The following KCNC1 variants were observed in gnomAD, a reference collection of about 807,000 sequenced individuals.
KCNC1 encodes the protein potassium voltage-gated channel subfamily C member 1.
A neutral mutation model predicts 43.4 loss-of-function variants in KCNC1; 8 were observed. The observed-to-expected ratio is 0.18, with a 90% confidence interval of 0.11 to 0.33. The LOEUF is 0.33. Ranked by LOEUF, KCNC1 falls within the 10% of genes least tolerant of loss-of-function variation. The pLI is 1.00. For missense variants in KCNC1, 420 were observed against 836.0 expected, an observed-to-expected ratio of 0.50 and a Z score of 6.14; for synonymous variants, 361 against 360.5, an observed-to-expected ratio of 1.00 and a Z score of -0.01.
In KCNC1 at chr11:17,753,629, G is replaced by A. The variant is rs116434462; in HGVS notation, c.570+17057G>A. Among the ~76,000 whole-genome samples, 341 of 151,786 alleles carry A rather than the reference G, an allele frequency of 2.2e-3. 3 individuals carry two copies. Among genetic ancestry groups the A allele is most frequent in the African/African-American group, 7.8e-3 (322 of 41,466 alleles). ...TGCCTGGGCCATCTCCTCCCATTGC[G>A]CCTCTTCAAAAAGAAATTGACATTT... On this transcript the variant is annotated intron_variant, in intron 1 of 3. Coordinates refer to ENST00000265969, the MANE Select transcript of KCNC1 (RefSeq NM_001112741.2).
chr11:17,740,263 C>T lies in KCNC1; in HGVS notation c.570+3691C>T, dbSNP rs768977112. Among the ~76,000 whole-genome samples, 3 of 152,138 alleles carry T rather than the reference C, an allele frequency of 2.0e-5. No individual in the cohort carries two copies. In the South Asian group the frequency reaches 6.2e-4, roughly 32 times the overall value. On this transcript the variant is annotated intron_variant, in intron 1 of 3. Transcript: ENST00000265969. Reference sequence around the variant, plus strand: ...ATGAGCTGGGACAGGATGAGCTCCACGTGTGTTCTGGGTTGGGGGGTGGTG... The same window carrying T: ...ATGAGCTGGGACAGGATGAGCTCCATGTGTGTTCTGGGTTGGGGGGTGGTG...
In KCNC1 at chr11:17,776,128, G is replaced by T. The variant is rs1849284429; in HGVS notation, c.1505-3328G>T. On this transcript the variant is annotated intron_variant, in intron 2 of 3. Transcript: ENST00000265969. The surrounding 1 kb of genome is among the most constrained non-coding windows in gnomAD (Gnocchi z 4.4). The stretch of plus-strand genomic sequence containing the variant: ...GGTGGGCTGTGGGGGAAGTAGCGGA[G>T]AAATGAAGTGACGCCAGGGGCCAGG... 5 of 985,344 alleles carry T rather than the reference G, an allele frequency of 5.1e-6. No homozygotes were observed. The highest frequency in any genetic ancestry group is 6.0e-6 in the Non-Finnish European group (5 of 829,988). 61.0% of individuals were successfully genotyped at this position (985,344 alleles called of 1,614,324 possible).
Position 17,779,807 on chromosome 11 carries a change from C to A in KCNC1, c.1693+163C>A, listed in dbSNP as rs549527901. On this transcript the variant is annotated intron_variant, in intron 3 of 3. Coordinates refer to ENST00000265969, the MANE Select transcript of KCNC1 (RefSeq NM_001112741.2). The surrounding 1 kb of genome is among the most constrained non-coding windows in gnomAD (Gnocchi z 7.2). ...AGGGTCGGCCCCTGGAGGGCTGAGG[C>A]CCTTCCCCCCAAGTGAGATGTCAGG... The A allele has an allele frequency of 3.9e-6, 2 of 518,136 alleles. No individual in the cohort carries two copies. The highest frequency in any genetic ancestry group is 3.9e-5 in the Admixed American group (1 of 25,440). 32.1% of individuals were successfully genotyped at this position (518,136 alleles called of 1,614,324 possible). A position where few individuals can be genotyped will look rare whatever the true frequency, so the allele number is the denominator to read the frequency against.
Position 17,776,126 on chromosome 11 carries a change from G to A in KCNC1, c.1505-3330G>A, listed in dbSNP as rs973440625. On this transcript the variant is annotated intron_variant, in intron 2 of 3. Transcript: ENST00000265969. The surrounding 1 kb of genome is among the most constrained non-coding windows in gnomAD (Gnocchi z 4.4). ...CAGGTGGGCTGTGGGGGAAGTAGCGGAGAAATGAAGTGACGCCAGGGGCCA... is the reference window on the plus strand; with the variant it reads ...CAGGTGGGCTGTGGGGGAAGTAGCGAAGAAATGAAGTGACGCCAGGGGCCA... 1 of 985,344 alleles carries A rather than the reference G, an allele frequency of 1.0e-6. No homozygotes were observed. The highest frequency in any genetic ancestry group is 1.7e-5 in the African/African-American group (1 of 57,224). 61.0% of individuals were successfully genotyped at this position (985,344 alleles called of 1,614,324 possible).
At chr11:17,754,532 C>A (rs1361209595) in intron 1 of KCNC1, among the ~76,000 whole-genome samples, 2 of 152,190 alleles carry the variant, frequency 1.3e-5, no homozygotes, top group African/African-American at 2.4e-5. Flanking sequence ...AGGGAGTAAA[C>A]CATTGTGCCC....
rs3051818 is a variant in KCNC1 at position 17,756,520 on chromosome 11, AACACACACAC to A, written c.571-15116_571-15107del. Among the ~76,000 whole-genome samples, 678 of 143,828 alleles carry A rather than the reference AACACACACAC, an allele frequency of 4.7e-3. 7 individuals are homozygous for A. Among genetic ancestry groups the A allele is most frequent in the East Asian group, 7.3e-3 (35 of 4,784 alleles). The allele number at this position is 143,828 out of a possible 152,430, so 94.4% of individuals were successfully genotyped here. A position where few individuals can be genotyped will look rare whatever the true frequency, so the allele number is the denominator to read the frequency against. On this transcript the variant is annotated intron_variant, in intron 1 of 3. Transcript: ENST00000265969. ...AGCCATTTTTATTCCCTTCCCTCCA[AACACACACAC>A]ACACACACACACACACACACACACA...
Position 17,735,946 on chromosome 11 carries a change from C to A in KCNC1, c.-57C>A. On this transcript the variant is annotated 5_prime_UTR_variant, in exon 1 of 4. In the 5' UTR this introduces an upstream ATG that the reference lacks. Transcript: ENST00000265969. This position sits in a 1 kb window ranked among gnomAD's most constrained non-coding sequence, Gnocchi z 6.7. ...CCCCCCTCCCCGGCGCCAACTCCCC[C>A]TGGCGGCCGCTCCCATGGGTGTCGC... 7.2e-7 allele frequency: 1 copy of A among 1,381,564 alleles called. No homozygotes were observed. The highest frequency in any genetic ancestry group is 9.3e-7 in the Non-Finnish European group (1 of 1,076,134). The allele number at this position is 1,381,564 out of a possible 1,614,324, so 85.6% of individuals were successfully genotyped here.
chr11:17,747,031 G>A (rs976273684), intron 1 of KCNC1, among the ~76,000 whole-genome samples: 3 of 152,168 alleles, frequency 2.0e-5, no homozygotes, highest in Non-Finnish European at 4.4e-5. Context: ...TCGGCCCTGC[G>A]AGATTCAAAT....
At chr11:17,756,767 A>G (rs1590099561) in intron 1 of KCNC1, among the ~76,000 whole-genome samples, 5 of 152,300 alleles carry the variant, frequency 3.3e-5, no homozygotes. Context: ...TGTTGTACAT[A>G]TAAGATCCAA....
rs184047159 is a variant in KCNC1 at position 17,772,883 on chromosome 11, A to T, written c.1504+285A>T. The T allele has an allele frequency of 1.2e-5, 15 of 1,293,626 alleles. No homozygotes were observed. In the East Asian group the frequency reaches 4.4e-4, roughly 38 times the overall value. 80.1% of individuals were successfully genotyped at this position (1,293,626 alleles called of 1,614,324 possible). On this transcript the variant is annotated intron_variant, in intron 2 of 3. Transcript: ENST00000265969. Reference sequence around the variant, plus strand: ...AACGCGGCCCGCCAGGTTGCTGAGGACTAACTTAGCAGGAGCCAGGGGGGC... The same window carrying T: ...AACGCGGCCCGCCAGGTTGCTGAGGTCTAACTTAGCAGGAGCCAGGGGGGC...
chr11:17,747,518 G>A lies in KCNC1; in HGVS notation c.570+10946G>A, dbSNP rs571559022. 1.4e-4 allele frequency among the ~76,000 whole-genome samples: 22 copies of A among 152,338 alleles called. No individual in the cohort carries two copies. The East Asian group carries it at 1.9e-3, about 13-fold the overall frequency. Reference sequence around the variant, plus strand: ...GTCATTGGAATGTCTCCTCTTTAAAGGGGCTGCTCTGGCACAGGGAGGAGC... The same window carrying A: ...GTCATTGGAATGTCTCCTCTTTAAAAGGGCTGCTCTGGCACAGGGAGGAGC... On this transcript the variant is annotated intron_variant, in intron 1 of 3. Transcript: ENST00000265969.
At chr11:17,741,867 C>G (rs1848846367) in intron 1 of KCNC1, among the ~76,000 whole-genome samples, 1 of 152,220 alleles carries the variant, frequency 6.6e-6, no homozygotes, top group South Asian at 2.1e-4. Flanking sequence ...GCTCACCCCT[C>G]TTTATCCCCG....
At chr11:17,764,894 G>A (rs942682266) in intron 1 of KCNC1, among the ~76,000 whole-genome samples, 10 of 152,020 alleles carry the variant, frequency 6.6e-5, no homozygotes, top group African/African-American at 2.4e-4. Context: ...AATTTATTTA[G>A]GACAATTGGC....
chr11:17,770,378 G>A (rs536132318), intron 1 of KCNC1, among the ~76,000 whole-genome samples: 18 of 152,382 alleles, frequency 1.2e-4, no homozygotes, highest in South Asian at 2.1e-4. Context: ...GTGAGGACAT[G>A]CAGGCGGGAG....
chr11:17,767,296 A>AAAAG (rs1554990949), intron 1 of KCNC1, among the ~76,000 whole-genome samples: 38 of 130,288 alleles, frequency 2.9e-4, no homozygotes, highest in Middle Eastern at 3.8e-3. Flanking sequence ...AAAAAAAAAA[A>AAAAG]AAAAGAAAAG....
rs1483918217 is a variant in KCNC1, at chr11:17,739,450, T to G, written c.570+2878T>G. 6.7e-6 allele frequency among the ~76,000 whole-genome samples: 1 copy of G among 149,984 alleles called. No individual in the cohort carries two copies. Among genetic ancestry groups the G allele is most frequent in the Non-Finnish European group, 1.5e-5 (1 of 67,746 alleles). ...TCCTGAGTCCTTGTGTCAGGGGTTG[T>G]GTGTGTGAGAGAGGCGGATTCTGTG... is the stretch of plus-strand genomic sequence containing the variant. On this transcript the variant is annotated intron_variant, in intron 1 of 3. Coordinates refer to ENST00000265969, the MANE Select transcript of KCNC1 (RefSeq NM_001112741.2). The surrounding 1 kb of genome is among the most constrained non-coding windows in gnomAD (Gnocchi z 4.2).
In KCNC1 at chr11:17,736,641, G is replaced by T; in HGVS notation, c.570+69G>T. ...GCGTCCTGTGCCTCCCCGCGGGCAG[G>T]GGTGGACCGGAGAACTGGCGCCTAG... On this transcript the variant is annotated intron_variant, in intron 1 of 3. Transcript: ENST00000265969. The surrounding 1 kb of genome is among the most constrained non-coding windows in gnomAD (Gnocchi z 9.3). The T allele has an allele frequency of 6.9e-7, 1 of 1,443,668 alleles. No homozygotes were observed. Among genetic ancestry groups the T allele is most frequent in the East Asian group, 2.5e-5 (1 of 40,020 alleles). The allele number at this position is 1,443,668 out of a possible 1,614,324, so 89.4% of individuals were successfully genotyped here.
chr11:17,746,998 T>C (rs16934691), intron 1 of KCNC1, among the ~76,000 whole-genome samples: 3,272 of 152,234 alleles, frequency 0.021, 99 homozygotes, highest in African/African-American at 0.073. Flanking sequence ...TTGTTGTGCA[T>C]TCCATCATCT....
rs1462940757 is a variant in KCNC1 at position 17,779,511 on chromosome 11, C to T, written c.1560C>T (p.Pro520=). Residue 520 remains proline, a synonymous_variant, in exon 3 of 4, where the codon CCC becomes CCT. Coordinates refer to ENST00000265969, the MANE Select transcript of KCNC1 (RefSeq NM_001112741.2). The surrounding 1 kb of genome is among the most constrained non-coding windows in gnomAD (Gnocchi z 7.2). ...AKAALANEDC[P]HIDQALTPDE... ...CCGCGCTGGCGAACGAAGACTGCCC[C>T]CACATAGACCAGGCCCTCACTCCCG... 1 of 1,551,370 alleles carries T rather than the reference C, an allele frequency of 6.4e-7. No individual in the cohort carries two copies. The highest frequency in any genetic ancestry group is 1.2e-5 in the South Asian group (1 of 84,028).
Sources: allele counts gnomAD v4.1 joint callset (sites outside exome capture counted in the v4.1 genomes callset), GRCh38; gene constraint gnomAD v4.1.1; non-coding constraint Gnocchi (gnomAD v3.1); transcripts MANE v1.5; gene names NCBI Gene and HGNC (gene_info 2026-07-23, HGNC 2026-07-21).